RIMBP2: variants seen among roughly 807,000 people sequenced by gnomAD.
The protein encoded by RIMBP2 is RIMS binding protein 2.
A neutral mutation model predicts 118.6 loss-of-function variants in RIMBP2; 48 were observed. That is an observed-to-expected ratio of 0.40 (90% CI 0.32 to 0.51). The LOEUF is 0.51. RIMBP2 is among the 20% of genes least tolerant of loss of function. The probability of loss-of-function intolerance (pLI) is 0.41; values close to 1 mark genes in which losing one functional copy is unlikely to be tolerated. For missense variants in RIMBP2, 1,551 were observed against 1,768.3 expected, an observed-to-expected ratio of 0.88 and a Z score of 2.20; for synonymous variants, 762 against 742.9, an observed-to-expected ratio of 1.03 and a Z score of -0.42.
Position 130,670,263 on chromosome 12 carries a change from C to T in RIMBP2, c.-351-41807G>A, listed in dbSNP as rs890252171. 3.3e-5 allele frequency among the ~76,000 whole-genome samples: 5 copies of T among 152,112 alleles called. No homozygotes were observed. The highest frequency in any genetic ancestry group is 7.4e-5 in the Non-Finnish European group (5 of 68,018). On this transcript the variant is annotated intron_variant, in intron 1 of 22. Coordinates refer to ENST00000690449, the MANE Select transcript of RIMBP2 (RefSeq NM_001393629.1). This position sits in a 1 kb window ranked among gnomAD's most constrained non-coding sequence, Gnocchi z 4.9. ...TCCCGGCCCCAGGACCTCAGACTTC[C>T]GATCTCCAGAACTGAAGTTTTAGGA...
chr12:130,508,815 T>C (rs776067946), intron 3 of RIMBP2, among the ~76,000 whole-genome samples: 2 of 152,156 alleles, frequency 1.3e-5, no homozygotes, highest in Non-Finnish European at 2.9e-5. Flanking sequence ...GCAAGATTTT[T>C]GTACTGAATG....
At chr12:130,636,496 C>T (rs1435259457) in intron 1 of RIMBP2, among the ~76,000 whole-genome samples, 1 of 152,174 alleles carries the variant, frequency 6.6e-6, no homozygotes. Context: ...ATTGACTCAG[C>T]TGTGAAGTAG....
intron 2 of RIMBP2, among the ~76,000 whole-genome samples, chr12:130,535,742 T>TATATAC (rs2053989720): frequency 1.7e-4 from 4 of 23,118 alleles, no homozygotes; most frequent in Non-Finnish European, 3.2e-4. Context: ...TATATACATA[T>TATATAC]ATATATATAT....
chr12:130,521,145 C>T (rs564692269), intron 2 of RIMBP2, among the ~76,000 whole-genome samples: 2 of 152,320 alleles, frequency 1.3e-5, no homozygotes, highest in Admixed American at 6.5e-5. Flanking sequence ...ATGGCTTAAC[C>T]TGGAAGGCCT....
At chr12:130,474,634 A>G (rs1031558043) in intron 5 of RIMBP2, among the ~76,000 whole-genome samples, 2 of 152,178 alleles carry the variant, frequency 1.3e-5, no homozygotes, top group African/African-American at 4.8e-5. Flanking sequence ...AGAGAAATGA[A>G]CCAGTTCTGC....
intron 6 of RIMBP2, among the ~76,000 whole-genome samples, chr12:130,464,418 T>A (rs2080273444): frequency 6.6e-6 from 1 of 152,194 alleles, no homozygotes; most frequent in Admixed American, 6.5e-5. Context: ...CATTGATCAC[T>A]GGCTGAATAC....
chr12:130,637,539 A>G (rs1439457667), intron 1 of RIMBP2, among the ~76,000 whole-genome samples: 1 of 152,242 alleles, frequency 6.6e-6, no homozygotes, highest in Admixed American at 6.5e-5. Flanking sequence ...GGAACATATA[A>G]TAAGAGTAAT....
intron 7 of RIMBP2, among the ~76,000 whole-genome samples, chr12:130,455,676 T>C (rs1044907267): frequency 1.3e-5 from 2 of 152,348 alleles, no homozygotes; most frequent in East Asian, 1.9e-4. Flanking sequence ...AAGGTACTTA[T>C]ATATTCTGAT....
At chr12:130,663,778 C>G (rs555241875) in intron 1 of RIMBP2, among the ~76,000 whole-genome samples, 8 of 151,814 alleles carry the variant, frequency 5.3e-5, no homozygotes, top group African/African-American at 1.7e-4. Context: ...GACTGGCAAC[C>G]CTGCTTCTAG....
chr12:130,510,948 T>C (rs2050855771), intron 3 of RIMBP2, among the ~76,000 whole-genome samples: 1 of 152,128 alleles, frequency 6.6e-6, no homozygotes, highest in Admixed American at 6.5e-5. Flanking sequence ...CCGAAAAGAC[T>C]GATTTCCTGG....
intron 2 of RIMBP2, among the ~76,000 whole-genome samples, chr12:130,543,889 C>T (rs1476699270): frequency 1.3e-5 from 2 of 152,206 alleles, no homozygotes; most frequent in Non-Finnish European, 2.9e-5. Context: ...GCTTTGGAAA[C>T]CTGTCCTGCT....
At chr12:130,503,543 C>G (rs2050010841) in intron 4 of RIMBP2, among the ~76,000 whole-genome samples, 1 of 152,206 alleles carries the variant, frequency 6.6e-6, no homozygotes, top group Non-Finnish European at 1.5e-5. Flanking sequence ...CCATTAGGCT[C>G]TTCTTCTCCA....
chr12:130,593,589 C>T (rs984409754), intron 2 of RIMBP2, among the ~76,000 whole-genome samples: 11 of 152,218 alleles, frequency 7.2e-5, no homozygotes, highest in African/African-American at 9.6e-5. Context: ...TGGATGGCGA[C>T]GTGAGTTGGG....
At chr12:130,397,649 A>AG (rs140731635) in intron 22 of RIMBP2, 100 bp from the exon 23 acceptor site, 184 of 396,994 alleles carry the variant, frequency 4.6e-4, no homozygotes, top group African/African-American at 2.9e-3. Context: ...AGGAAAGGTC[A>AG]GGGGGGTTCA....
At chr12:130,580,998 TC>T (rs1224878336) in intron 2 of RIMBP2, among the ~76,000 whole-genome samples, 1 of 152,070 alleles carries the variant, frequency 6.6e-6, no homozygotes, top group African/African-American at 2.4e-5. Context: ...TTAAAATATC[TC>T]CTATCTTGGC....
At chr12:130,417,849 T>A (rs2076189025) in intron 17 of RIMBP2, among the ~76,000 whole-genome samples, 1 of 149,350 alleles carries the variant, frequency 6.7e-6, no homozygotes, top group Admixed American at 6.8e-5. Context: ...TGTGTATATA[T>A]GTATGGAGAG....
Position 130,683,165 on chromosome 12 carries a change from T to C in RIMBP2, c.-352+33057A>G, listed in dbSNP as rs1482142431. Reference sequence around the variant, plus strand: ...CAGGGGGGTTGGGGTGGACCCTCCATCTGATGAGAGTGTCCACATAAGAGG... The same window carrying C: ...CAGGGGGGTTGGGGTGGACCCTCCACCTGATGAGAGTGTCCACATAAGAGG... On this transcript the variant is annotated intron_variant, in intron 1 of 22. Transcript: ENST00000690449. This position sits in a 1 kb window ranked among gnomAD's most constrained non-coding sequence, Gnocchi z 4.4. Among the ~76,000 whole-genome samples the C allele has an allele frequency of 6.6e-6, 1 of 152,126 alleles. No individual in the cohort carries two copies. The highest frequency in any genetic ancestry group is 1.5e-5 in the Non-Finnish European group (1 of 68,024).
rs1221532218 is a variant in RIMBP2 at position 130,692,840 on chromosome 12, ATGGGATGGGATAGGG to A, written c.-352+23367_-352+23381del. Reference sequence around the variant, plus strand: ...GATGGGTGGAATGGGATGGGATGGGATGGGATGGGATAGGGTAGGGTAGGGTAGGGTAGGGTAGGG... The same window carrying A: ...GATGGGTGGAATGGGATGGGATGGGATAGGGTAGGGTAGGGTAGGGTAGGG... On this transcript the variant is annotated intron_variant, in intron 1 of 22. Transcript: ENST00000690449. Among the ~76,000 whole-genome samples the A allele has an allele frequency of 2.6e-5, 3 of 113,980 alleles. No individual in the cohort carries two copies. In the Admixed American group the frequency reaches 3.1e-4, roughly 12 times the overall value. The allele number at this position is 113,980 out of a possible 152,430, so 74.8% of individuals were successfully genotyped here.
intron 1 of RIMBP2, among the ~76,000 whole-genome samples, chr12:130,632,088 C>G (rs1428134847): frequency 2.6e-5 from 4 of 152,268 alleles, no homozygotes; most frequent in Non-Finnish European, 5.9e-5. Context: ...TGTAACACCA[C>G]TGGTCCACCT....
Sources: gnomAD v4.1 joint callset for allele counts (sites outside exome capture counted in the v4.1 genomes callset) on GRCh38, gnomAD v4.1.1 for gene constraint, Gnocchi (gnomAD v3.1) non-coding constraint, MANE v1.5 for transcripts, NCBI Gene and HGNC (gene_info 2026-07-23, HGNC 2026-07-21) for gene names.